PRR16: variants seen among roughly 807,000 people sequenced by gnomAD.
PRR16 encodes protein Largen.
Under a neutral mutation model 18.2 loss-of-function variants are expected in PRR16, and 6 were observed. The ratio of observed to expected loss-of-function variants is 0.33; its 90% confidence interval spans 0.18 to 0.65. The LOEUF (loss-of-function observed/expected upper bound fraction) is 0.65. PRR16 is among the 30% of genes least tolerant of loss of function. The pLI is 0.74. For synonymous variants in PRR16, 151 were observed against 147.8 expected (o/e 1.02, Z -0.16); for missense variants, 412 against 376.6 (o/e 1.09, Z -0.78).
At chr5:120,782,807 T>TTAATG in the PRR16 span, among the ~76,000 whole-genome samples, 1 of 152,160 alleles carries the variant, frequency 6.6e-6, no homozygotes, top group Non-Finnish European at 1.5e-5. Context: ...GGAACTAATG[T>TTAATG]TAATGTATAT....
At chr5:120,504,142 T>G (rs1202200042) in intron 1 of PRR16, among the ~76,000 whole-genome samples, 2 of 152,092 alleles carry the variant, frequency 1.3e-5, no homozygotes, top group Non-Finnish European at 2.9e-5. Flanking sequence ...TCATTTAGCA[T>G]TAGGTATATC....
chr5:120,534,003 C>T (rs1751635290), intron 1 of PRR16, among the ~76,000 whole-genome samples: 2 of 152,084 alleles, frequency 1.3e-5, no homozygotes, highest in Admixed American at 1.3e-4. Context: ...TAGGTGCCTC[C>T]ATTAAGATGG....
intron 1 of PRR16, among the ~76,000 whole-genome samples, chr5:120,595,279 G>A (rs1054382469): frequency 6.6e-6 from 1 of 151,788 alleles, no homozygotes; most frequent in Non-Finnish European, 1.5e-5. Flanking sequence ...TGGGCAAATA[G>A]CATGAATAGA....
At chr5:120,764,358 C>G in the PRR16 span, among the ~76,000 whole-genome samples, 1 of 151,960 alleles carries the variant, frequency 6.6e-6, no homozygotes, top group Non-Finnish European at 1.5e-5. Context: ...TAATATGTCA[C>G]ATTTATCAAT....
intron 1 of PRR16, among the ~76,000 whole-genome samples, chr5:120,618,117 C>T (rs1754574081): frequency 6.6e-6 from 1 of 151,972 alleles, no homozygotes; most frequent in Non-Finnish European, 1.5e-5. Flanking sequence ...GTAGATAAAA[C>T]CTGAAAGATG....
chr5:120,747,307 A>T, the PRR16 span, among the ~76,000 whole-genome samples: 40 of 152,292 alleles, frequency 2.6e-4, no homozygotes, highest in East Asian at 7.5e-3. Flanking sequence ...CATGCTTCAT[A>T]CATTCAAGTT....
At chr5:120,712,471 G>C in the PRR16 span, among the ~76,000 whole-genome samples, 1 of 151,680 alleles carries the variant, frequency 6.6e-6, no homozygotes. Flanking sequence ...CCACATATGA[G>C]TAAGACTATG....
the PRR16 span, among the ~76,000 whole-genome samples, chr5:120,754,137 TAATA>T: frequency 2.0e-5 from 2 of 100,436 alleles, no homozygotes; most frequent in Non-Finnish European, 3.7e-5. Context: ...ATATTCCGCT[TAATA>T]TATAATATAT....
In PRR16 at chr5:120,603,473, A is replaced by G. The variant is rs139064720; in HGVS notation, c.160-82481A>G. Among the ~76,000 whole-genome samples the G allele has an allele frequency of 2.1e-3, 317 of 152,020 alleles. 1 individual carries two copies. The highest frequency in any genetic ancestry group is 7.5e-3 in the African/African-American group (310 of 41,500). On this transcript the variant is annotated intron_variant, in intron 1 of 1. Transcript: ENST00000407149. ...CTCTTTCTTTATCATCCTAGCTAGC[A>G]GTCTATCAATCTTGCTTATTCTTTT...
At chr5:120,769,330 T>C in the PRR16 span, among the ~76,000 whole-genome samples, 1 of 151,832 alleles carries the variant, frequency 6.6e-6, no homozygotes, top group Admixed American at 6.6e-5. Context: ...CAAAGTTTTC[T>C]TGTGTCTCCC....
At chr5:120,708,302 G>T in the PRR16 span, among the ~76,000 whole-genome samples, 1 of 152,136 alleles carries the variant, frequency 6.6e-6, no homozygotes, top group Non-Finnish European at 1.5e-5. Context: ...GTTCCTCTTT[G>T]TGGTAATGAA....
At chr5:120,498,993 C>T (rs1012199064) in intron 1 of PRR16, among the ~76,000 whole-genome samples, 4 of 151,204 alleles carry the variant, frequency 2.6e-5, no homozygotes, top group Non-Finnish European at 5.9e-5. Flanking sequence ...TATGAGGTAT[C>T]TTAGTTTGGA....
At chr5:120,761,203 G>C in the PRR16 span, among the ~76,000 whole-genome samples, 18 of 151,852 alleles carry the variant, frequency 1.2e-4, no homozygotes, top group African/African-American at 3.9e-4. Flanking sequence ...TCTATGCATG[G>C]TTCCCTCCAT....
intron 1 of PRR16, among the ~76,000 whole-genome samples, chr5:120,626,209 A>G (rs1754859147): frequency 6.6e-6 from 1 of 152,174 alleles, no homozygotes; most frequent in African/African-American, 2.4e-5. Flanking sequence ...AAACAATCCA[A>G]ATGTTCATCA....
intron 1 of PRR16, among the ~76,000 whole-genome samples, chr5:120,503,020 A>C (rs1750517372): frequency 6.6e-6 from 1 of 152,216 alleles, no homozygotes; most frequent in South Asian, 2.1e-4. Context: ...TTATGCATTG[A>C]AACATATAAA....
chr5:120,478,588 A>G (rs1749514629), intron 1 of PRR16, among the ~76,000 whole-genome samples: 2 of 152,120 alleles, frequency 1.3e-5, no homozygotes, highest in African/African-American at 4.8e-5. Context: ...TCCTATGTAG[A>G]AATTTTGGAG....
In PRR16 at chr5:120,490,550, C is replaced by T. The variant is rs7727234; in HGVS notation, c.159+25905C>T. Among the ~76,000 whole-genome samples the T allele has an allele frequency of 4.4e-3, 667 of 152,164 alleles. 2 individuals carry two copies. Among genetic ancestry groups the T allele is most frequent in the African/African-American group, 0.015 (626 of 41,524 alleles). On this transcript the variant is annotated intron_variant, in intron 1 of 1. Transcript: ENST00000407149. The stretch of plus-strand genomic sequence containing the variant: ...GCATTGGTTATTCTAGTTAGCCATT[C>T]GTCTAATCTTTTTTCAAGGTATTTA...
At chr5:120,526,212 C>G (rs1452684691) in intron 1 of PRR16, among the ~76,000 whole-genome samples, 2 of 152,070 alleles carry the variant, frequency 1.3e-5, no homozygotes, top group Non-Finnish European at 2.9e-5. Flanking sequence ...AGCTCCTTGT[C>G]ATTAATATGT....
At position 120,686,539 on chromosome 5, in the gene PRR16, C is replaced by T. The variant is rs1757131971; in HGVS notation, c.745C>T (p.Pro249Ser). ...HPPGKIPHQG[P>S]PLPPTPHLPP... ...ACCGGGAAAGATTCCTCACCAAGGCCCTCCCCTCCCTCCTACACCCCATCT... is the reference window on the plus strand; with the variant it reads ...ACCGGGAAAGATTCCTCACCAAGGCTCTCCCCTCCCTCCTACACCCCATCT... Residue 249 changes from proline (P) to serine (S), a missense_variant, in exon 2 of 2, where the codon CCT becomes TCT. Pro to Ser is a moderately conservative substitution (Grantham distance 74). Coordinates refer to ENST00000407149, the MANE Select transcript of PRR16 (RefSeq NM_001300783.2). 1 of 1,613,104 alleles carries T rather than the reference C, an allele frequency of 6.2e-7. No homozygotes were observed. The highest frequency in any genetic ancestry group is 8.5e-7 in the Non-Finnish European group (1 of 1,179,380).
Sources: gnomAD v4.1 joint callset for allele counts (sites outside exome capture counted in the v4.1 genomes callset) on GRCh38, gnomAD v4.1.1 for gene constraint, MANE v1.5 for transcripts, NCBI Gene and HGNC (gene_info 2026-07-23, HGNC 2026-07-21) for gene names.